RNF220: variants seen among roughly 807,000 people sequenced by gnomAD.
The protein encoded by RNF220 is ring finger protein 220.
Under a neutral mutation model 67.1 loss-of-function variants are expected in RNF220, and 7 were observed. The ratio of observed to expected loss-of-function variants is 0.10; its 90% CI spans 0.06 to 0.20. The LOEUF is 0.20. Ranked by LOEUF, RNF220 falls within the 10% of genes least tolerant of loss-of-function variation. The probability of loss-of-function intolerance (pLI) is 1.00; values close to 1 mark genes in which losing one functional copy is unlikely to be tolerated. For missense variants in RNF220, 565 were observed against 740.3 expected, an observed-to-expected ratio of 0.76 and a Z score of 2.75; for synonymous variants, 270 against 283.2, an observed-to-expected ratio of 0.95 and a Z score of 0.47.
chr1:44,409,474 C>A (rs998157250), intron 1 of RNF220, among the ~76,000 whole-genome samples: 7 of 152,192 alleles, frequency 4.6e-5, no homozygotes, highest in Admixed American at 3.3e-4. Flanking sequence ...CTCCTTTCAG[C>A]GGGGATGTCA....
chr1:44,572,789 C>A (rs1028662402), intron 2 of RNF220, among the ~76,000 whole-genome samples: 1 of 152,152 alleles, frequency 6.6e-6, no homozygotes, highest in Non-Finnish European at 1.5e-5. Flanking sequence ...GCTTGTGTCT[C>A]TTCTCTTCAA....
chr1:44,537,771 C>G (rs550550485), intron 2 of RNF220, among the ~76,000 whole-genome samples: 1 of 152,222 alleles, frequency 6.6e-6, no homozygotes, highest in Non-Finnish European at 1.5e-5. Context: ...CTGAATGGTA[C>G]GAAGCCCAGA....
intron 2 of RNF220, among the ~76,000 whole-genome samples, chr1:44,524,453 C>T (rs1184693591): frequency 6.6e-6 from 1 of 152,122 alleles, no homozygotes; most frequent in Non-Finnish European, 1.5e-5. Flanking sequence ...GCCCCCACCT[C>T]CCTCCTTCCA....
At chr1:44,509,391 A>G (rs1658739470) in intron 2 of RNF220, among the ~76,000 whole-genome samples, 1 of 152,036 alleles carries the variant, frequency 6.6e-6, no homozygotes, top group Non-Finnish European at 1.5e-5. Flanking sequence ...TCTACTAAAA[A>G]TACAAAAAAT....
intron 6 of RNF220, 108 bp downstream of exon 6, chr1:44,632,493 T>C (rs1190774429): frequency 3.6e-6 from 4 of 1,107,522 alleles, no homozygotes; most frequent in Non-Finnish European, 5.3e-6. Context: ...CTGGGGCCCG[T>C]TGGCTTCTTC....
intron 2 of RNF220, among the ~76,000 whole-genome samples, chr1:44,562,610 G>A (rs1189430215): frequency 6.6e-6 from 1 of 152,212 alleles, no homozygotes; most frequent in Admixed American, 6.5e-5. Flanking sequence ...GCCTCAGCCT[G>A]AGCAGGTCCC....
intron 2 of RNF220, among the ~76,000 whole-genome samples, chr1:44,506,501 T>C (rs1658439670): frequency 6.6e-6 from 1 of 152,228 alleles, no homozygotes; most frequent in Admixed American, 6.5e-5. Context: ...GGCAGCCTTT[T>C]GGTTTGCCAG....
chr1:44,446,827 G>T (rs1652154442), intron 2 of RNF220, among the ~76,000 whole-genome samples: 1 of 152,222 alleles, frequency 6.6e-6, no homozygotes, highest in Non-Finnish European at 1.5e-5. Flanking sequence ...AAAGTGCTGG[G>T]ATTACAGGCG....
intron 2 of RNF220, among the ~76,000 whole-genome samples, chr1:44,547,440 C>A (rs1265147003): frequency 6.6e-6 from 1 of 152,132 alleles, no homozygotes; most frequent in Admixed American, 6.5e-5. Flanking sequence ...TTCGCCTAAC[C>A]CTGCGGTCAC....
intron 2 of RNF220, among the ~76,000 whole-genome samples, chr1:44,454,062 T>C (rs1238663509): frequency 2.0e-5 from 3 of 152,208 alleles, no homozygotes; most frequent in Non-Finnish European, 2.9e-5. Context: ...AACATCTTAG[T>C]ATCATTATCA....
intron 2 of RNF220, among the ~76,000 whole-genome samples, chr1:44,511,883 G>A (rs539247483): frequency 4.0e-5 from 6 of 150,708 alleles, no homozygotes; most frequent in East Asian, 3.9e-4. Context: ...TGTCATCTCC[G>A]GGAGGAAAGT....
intron 2 of RNF220, among the ~76,000 whole-genome samples, chr1:44,485,123 G>A (rs1417265031): frequency 6.6e-6 from 1 of 152,182 alleles, no homozygotes; most frequent in African/African-American, 2.4e-5. Flanking sequence ...GCAACAGATC[G>A]AGACTCCATC....
chr1:44,524,832 G>A lies in RNF220; in HGVS notation c.626-89333G>A, dbSNP rs566414234. ...TTTGGCAAATTATTAGCGCTGTAAT[G>A]TATAGCTTGTCAGAGGTATTTAAGA... is the stretch of plus-strand genomic sequence containing the variant. On this transcript the variant is annotated intron_variant, in intron 2 of 14. Transcript: ENST00000361799. 2.3e-4 allele frequency among the ~76,000 whole-genome samples: 35 copies of A among 152,340 alleles called. No homozygotes were observed. In the South Asian group the frequency reaches 7.0e-3, roughly 31 times the overall value.
chr1:44,493,220 G>A (rs941206483), intron 2 of RNF220, among the ~76,000 whole-genome samples: 75 of 152,328 alleles, frequency 4.9e-4, no homozygotes, highest in African/African-American at 1.7e-3. Context: ...TAAGGTATAT[G>A]TAAAACATAA....
chr1:44,623,835 A>G (rs978101219), intron 4 of RNF220, among the ~76,000 whole-genome samples: 3 of 152,220 alleles, frequency 2.0e-5, no homozygotes, highest in South Asian at 2.1e-4. Context: ...CCTAAGGAAG[A>G]AAGTTTCTAA....
At chr1:44,550,150 G>A (rs1015659896) in intron 2 of RNF220, among the ~76,000 whole-genome samples, 5 of 152,246 alleles carry the variant, frequency 3.3e-5, no homozygotes, top group Non-Finnish European at 4.4e-5. Context: ...TAGCATGAGC[G>A]TAGGCCTGAG....
In RNF220 at chr1:44,632,494, TG is replaced by T. The variant is rs1161151752; in HGVS notation, c.949+111del. 5 of 1,108,090 alleles carry T rather than the reference TG, an allele frequency of 4.5e-6. No individual in the cohort carries two copies. In the East Asian group the frequency reaches 1.4e-4, roughly 30 times the overall value. The allele number at this position is 1,108,090 out of a possible 1,614,324, so 68.6% of individuals were successfully genotyped here. ...GGGTCTCTTCGACTCTGGGGCCCGT[TG>T]GCTTCTTCGCAGTCACGGCGCCTGA... On this transcript the variant is annotated intron_variant, in intron 6 of 14. Coordinates refer to ENST00000361799, the MANE Select transcript of RNF220 (RefSeq NM_018150.4).
intron 2 of RNF220, among the ~76,000 whole-genome samples, chr1:44,460,335 G>A (rs1047252731): frequency 2.0e-5 from 3 of 152,170 alleles, no homozygotes; most frequent in Non-Finnish European, 4.4e-5. Context: ...AGTAAGGGCA[G>A]GGGATACTGG....
chr1:44,595,870 C>G (rs949565885), intron 2 of RNF220, among the ~76,000 whole-genome samples: 2 of 152,020 alleles, frequency 1.3e-5, no homozygotes, highest in Non-Finnish European at 2.9e-5. Flanking sequence ...TTCACGCCAT[C>G]CTCCCACCTC....
Sources: allele counts gnomAD v4.1 joint callset (sites outside exome capture counted in the v4.1 genomes callset), GRCh38; gene constraint gnomAD v4.1.1; transcripts MANE v1.5; gene names NCBI Gene and HGNC (gene_info 2026-07-23, HGNC 2026-07-21).